SLC14A2: variants seen among roughly 807,000 people sequenced by gnomAD.
The protein encoded by SLC14A2 is solute carrier family 14 member 2, also known as urea transporter 2.
A neutral mutation model predicts 104.6 loss-of-function variants in SLC14A2; 91 were observed. The observed-to-expected ratio is 0.87, with a 90% CI of 0.73 to 1.04. The LOEUF (loss-of-function observed/expected upper bound fraction) is 1.04. SLC14A2 is among the 50% of genes least tolerant of loss of function. The pLI is 0.00. For missense variants in SLC14A2, 1,189 were observed against 1,156.0 expected (o/e 1.03, Z -0.41); for synonymous variants, 476 against 466.4 (o/e 1.02, Z -0.27).
intron 1 of SLC14A2, among the ~76,000 whole-genome samples, chr18:45,427,270 A>AC (rs1365260223): frequency 6.6e-6 from 1 of 151,658 alleles, no homozygotes; most frequent in Non-Finnish European, 1.5e-5. Flanking sequence ...GAAAGGGAAA[A>AC]AAAAAAGGAC....
intron 2 of SLC14A2, among the ~76,000 whole-genome samples, chr18:45,520,326 T>C (rs1354679630): frequency 1.3e-5 from 2 of 152,032 alleles, no homozygotes; most frequent in Non-Finnish European, 2.9e-5. Flanking sequence ...GGAATATGAG[T>C]GTGCTACATG....
intron 1 of SLC14A2, among the ~76,000 whole-genome samples, chr18:45,312,612 A>G (rs977471600): frequency 2.0e-5 from 3 of 152,176 alleles, no homozygotes; most frequent in African/African-American, 4.8e-5. Flanking sequence ...ATTTTCAGTA[A>G]GTTTGTTCCC....
At chr18:45,329,106 A>T (rs1285232789) in intron 1 of SLC14A2, among the ~76,000 whole-genome samples, 1 of 152,220 alleles carries the variant, frequency 6.6e-6, no homozygotes, top group African/African-American at 2.4e-5. Context: ...GGGGAAAGGG[A>T]AAAGAAATGT....
At chr18:45,312,465 A>G (rs556646038) in intron 1 of SLC14A2, among the ~76,000 whole-genome samples, 8 of 152,272 alleles carry the variant, frequency 5.3e-5, no homozygotes, top group African/African-American at 1.9e-4. Flanking sequence ...GTATTGACCT[A>G]AGATGAATTT....
At chr18:45,287,548 T>C (rs539517120) in intron 1 of SLC14A2, among the ~76,000 whole-genome samples, 3 of 152,324 alleles carry the variant, frequency 2.0e-5, no homozygotes, top group African/African-American at 7.2e-5. Flanking sequence ...TTGCTGCCTG[T>C]GGCTTTCCTC....
intron 1 of SLC14A2, among the ~76,000 whole-genome samples, chr18:45,277,970 T>C (rs2084720821): frequency 1.3e-5 from 2 of 152,220 alleles, no homozygotes; most frequent in Non-Finnish European, 1.5e-5. Context: ...TCCCCCTCCA[T>C]GCCAGACTGA....
At chr18:45,673,565 T>G in intron 17 of SLC14A2, 118 bp from the exon 18 acceptor site, 1 of 1,140,394 alleles carries the variant, frequency 8.8e-7, no homozygotes, top group Non-Finnish European at 1.2e-6. Context: ...GTCCTTTTTG[T>G]ATAACTACCT....
chr18:45,587,254 C>A (rs1273305081), intron 2 of SLC14A2, among the ~76,000 whole-genome samples: 7 of 152,310 alleles, frequency 4.6e-5, no homozygotes, highest in African/African-American at 1.4e-4. Flanking sequence ...GGATTACAGA[C>A]ATGAGCCACA....
intron 2 of SLC14A2, among the ~76,000 whole-genome samples, chr18:45,534,500 C>T (rs1335412567): frequency 6.6e-6 from 1 of 152,108 alleles, no homozygotes; most frequent in East Asian, 1.9e-4. Context: ...CATTTTATTT[C>T]ACCAGAAACA....
At chr18:45,519,337 A>G (rs2043484743) in intron 2 of SLC14A2, among the ~76,000 whole-genome samples, 1 of 152,174 alleles carries the variant, frequency 6.6e-6, no homozygotes, top group Non-Finnish European at 1.5e-5. Context: ...CCCCTGAATC[A>G]AGCAGAGTTC....
intron 2 of SLC14A2, among the ~76,000 whole-genome samples, chr18:45,541,094 T>A (rs1317841211): frequency 1.3e-5 from 2 of 152,128 alleles, no homozygotes; most frequent in Non-Finnish European, 2.9e-5. Flanking sequence ...AATAGGAAGC[T>A]CAGAGTCTAG....
At position 45,626,996 on chromosome 18, in the gene SLC14A2, A is replaced by G. The variant is rs773723295; in HGVS notation, c.370A>G (p.Arg124Gly). The G allele has an allele frequency of 6.2e-7, 1 of 1,612,574 alleles. No homozygotes were observed. Among genetic ancestry groups the G allele is most frequent in the South Asian group, 1.1e-5 (1 of 91,004 alleles). ...LALQFIDWVL[R>G]GTAQVMFINN... Reference sequence around the variant, plus strand: ...CCTCCAGTTCATAGACTGGGTCCTGAGAGGGACCGCTCAGGTGATGTTCAT... The same window carrying G: ...CCTCCAGTTCATAGACTGGGTCCTGGGAGGGACCGCTCAGGTGATGTTCAT... Residue 124 changes from arginine to glycine, a missense_variant, in exon 4 of 20, where the codon AGA becomes GGA. Arg to Gly is a moderately radical substitution (Grantham distance 125). Transcript: ENST00000255226.
the SLC14A2 span, among the ~76,000 whole-genome samples, chr18:45,190,416 A>C: frequency 2.0e-4 from 31 of 152,320 alleles, no homozygotes; most frequent in Non-Finnish European, 4.3e-4. Flanking sequence ...AGATGTTAAA[A>C]ACACAGTTTC....
chr18:45,619,138 G>T (rs1267853952), intron 1 of SLC14A2, among the ~76,000 whole-genome samples: 1 of 152,186 alleles, frequency 6.6e-6, no homozygotes, highest in Non-Finnish European at 1.5e-5. Flanking sequence ...TCCATGCTGG[G>T]ACTTGCTTGC....
intron 1 of SLC14A2, among the ~76,000 whole-genome samples, chr18:45,342,417 G>A (rs779981270): frequency 5.9e-5 from 9 of 152,184 alleles, no homozygotes; most frequent in Non-Finnish European, 1.2e-4. Context: ...GATCTGTGTA[G>A]CTGGGCTTGA....
chr18:45,437,814 C>A (rs1350365819), intron 1 of SLC14A2, among the ~76,000 whole-genome samples: 3 of 152,084 alleles, frequency 2.0e-5, no homozygotes, highest in Non-Finnish European at 4.4e-5. Context: ...AAAATTGAAA[C>A]CTGAAGAGGA....
intron 2 of SLC14A2, among the ~76,000 whole-genome samples, chr18:45,554,936 A>G (rs1162813216): frequency 6.6e-6 from 1 of 152,250 alleles, no homozygotes; most frequent in Non-Finnish European, 1.5e-5. Flanking sequence ...ACTATTCCCC[A>G]TCAGTACCAA....
intron 1 of SLC14A2, among the ~76,000 whole-genome samples, chr18:45,453,775 TC>T (rs1270851963): frequency 6.6e-6 from 1 of 151,232 alleles, no homozygotes; most frequent in Non-Finnish European, 1.5e-5. Flanking sequence ...TCACAGTGCC[TC>T]CCTTACTGAA....
At chr18:45,364,257 C>T (rs988784441) in intron 1 of SLC14A2, among the ~76,000 whole-genome samples, 10 of 151,940 alleles carry the variant, frequency 6.6e-5, no homozygotes, top group Non-Finnish European at 4.4e-5. Context: ...CTGTCATTTG[C>T]TATGCTTAGA....
Sources: gnomAD v4.1 joint callset for allele counts (sites outside exome capture counted in the v4.1 genomes callset) on GRCh38, gnomAD v4.1.1 for gene constraint, MANE v1.5 for transcripts, NCBI Gene and HGNC (gene_info 2026-07-23, HGNC 2026-07-21) for gene names.